The following CEP43 variants were observed in gnomAD, a reference collection of about 807,000 sequenced individuals.
CEP43 encodes the protein FGFR1 oncogene partner.
A neutral mutation model predicts 52.6 loss-of-function variants in CEP43; 36 were observed. That is an observed-to-expected ratio of 0.68 (90% CI 0.52 to 0.90). The LOEUF (loss-of-function observed/expected upper bound fraction) is 0.90, where lower values mean the gene tolerates loss of function less well. CEP43 is among the 40% of genes least tolerant of loss of function. The pLI is 0.00. For synonymous variants in CEP43, 192 were observed against 172.4 expected, an observed-to-expected ratio of 1.11 and a Z score of -0.89; for missense variants, 506 against 472.8, an observed-to-expected ratio of 1.07 and a Z score of -0.65.
chr6:167,033,849 ATT>A, intron 11 of CEP43, 24 bp from the exon 12 acceptor site: 10 of 1,147,162 alleles, frequency 8.7e-6, no homozygotes, highest in South Asian at 1.4e-5. Context: ...CAGAGTTCTT[ATT>A]TTTTTTTCCC....
At position 167,010,859 on chromosome 6, in the gene CEP43, A is replaced by G. The variant is rs146921558; in HGVS notation, c.485A>G (p.Glu162Gly). 7 of 1,600,736 alleles carry G rather than the reference A, an allele frequency of 4.4e-6. No homozygotes were observed. The African/African-American group carries it at 8.1e-5, about 18-fold the overall frequency. Residue 162 changes from glutamate (E) to glycine (G), a missense_variant, in exon 6 of 13, where the codon GAG becomes GGG. By Grantham distance (98) the Glu-to-Gly change is moderately conservative (BLOSUM62 -2). Transcript: ENST00000366847. Reference protein sequence around the residue: ...SDVHSPPKSPEGKTSAQTTPS... With the variant: ...SDVHSPPKSPGGKTSAQTTPS... ...GTACATTCTCCACCAAAGTCACCAG[A>G]GGGAAAAACAAGTGCACAGACAACA...
chr6:167,028,979 G>C (rs1780410578), intron 10 of CEP43, among the ~76,000 whole-genome samples: 1 of 152,226 alleles, frequency 6.6e-6, no homozygotes, highest in South Asian at 2.1e-4. Flanking sequence ...TTTAAAGCAA[G>C]AGTTGCTAAG....
intron 10 of CEP43, 150 bp downstream of exon 10, chr6:167,026,765 G>A (rs763911772): frequency 4.2e-4 from 261 of 619,600 alleles, no homozygotes; most frequent in Non-Finnish European, 6.1e-4. Flanking sequence ...ATGTGTTCAG[G>A]ATTACACGCT....
chr6:167,022,297 A>ACAC (rs1780254504), intron 7 of CEP43, 112 bp from the exon 8 acceptor site: 9 of 600,854 alleles, frequency 1.5e-5, no homozygotes, highest in Non-Finnish European at 2.2e-5. Context: ...CACACACACA[A>ACAC]AGGTTGCACA....
At position 167,040,975 on chromosome 6, in the gene CEP43, C is replaced by T. The variant is rs1023890539; in HGVS notation, c.*997C>T. The T allele has an allele frequency of 2.7e-5, 28 of 1,025,294 alleles. No individual in the cohort carries two copies. Among genetic ancestry groups the T allele is most frequent in the Non-Finnish European group, 3.0e-5 (26 of 853,178 alleles). The allele number at this position is 1,025,294 out of a possible 1,614,324, so 63.5% of individuals were successfully genotyped here. On this transcript the variant is annotated 3_prime_UTR_variant, in exon 13 of 13. Transcript: ENST00000366847. ...AAAGCATTATTGCTATTATGTAGGTCACGGATGTTTATAATACTAAAGTAT... is the reference window on the plus strand; with the variant it reads ...AAAGCATTATTGCTATTATGTAGGTTACGGATGTTTATAATACTAAAGTAT...
chr6:167,036,431 G>T (rs1370881881), intron 12 of CEP43: 1 of 985,320 alleles, frequency 1.0e-6, no homozygotes, highest in East Asian at 1.1e-4. Context: ...AGGCCCTGGG[G>T]AGGGTAGTCT....
intron 7 of CEP43, among the ~76,000 whole-genome samples, chr6:167,019,680 T>C (rs1424849865): frequency 5.3e-5 from 8 of 152,220 alleles, no homozygotes; most frequent in Non-Finnish European, 1.2e-4. Context: ...TGTTGTGTAA[T>C]ATAGTAATGC....
At chr6:167,033,640 GACCAA>G (rs1410492207) in intron 11 of CEP43, among the ~76,000 whole-genome samples, 1 of 152,008 alleles carries the variant, frequency 6.6e-6, no homozygotes, top group African/African-American at 2.4e-5. Context: ...TTGCTATTGT[GACCAA>G]AGTCACTGCT....
chr6:167,033,299 C>T (rs993005796), intron 11 of CEP43, among the ~76,000 whole-genome samples: 3 of 151,700 alleles, frequency 2.0e-5, no homozygotes, highest in African/African-American at 4.8e-5. Context: ...TTGGTAGAGA[C>T]AGGGTTTTGT....
Position 167,003,180 on chromosome 6 carries a change from T to G in CEP43, c.157-13T>G. The G allele has an allele frequency of 7.6e-7, 1 of 1,319,492 alleles. No individual in the cohort carries two copies. Among genetic ancestry groups the G allele is most frequent in the East Asian group, 2.5e-5 (1 of 40,542 alleles). The allele number at this position is 1,319,492 out of a possible 1,614,324, so 81.7% of individuals were successfully genotyped here. A position where few individuals can be genotyped will look rare whatever the true frequency, so the allele number is the denominator to read the frequency against. The stretch of plus-strand genomic sequence containing the variant: ...GTAAACACATGACACTTAAATTTTT[T>G]TTTTTTTAACAGAACAAAACTCCTT... On this transcript the variant is annotated splice_polypyrimidine_tract_variant and intron_variant, in intron 2 of 12. Transcript: ENST00000366847.
chr6:167,003,327 C>T, intron 3 of CEP43, 80 bp downstream of exon 3: 2 of 764,772 alleles, frequency 2.6e-6, no homozygotes, highest in Non-Finnish European at 4.2e-6. Context: ...TCAGGAATTT[C>T]AGGGCTTTTT....
chr6:167,010,284 C>A (rs770978607), intron 5 of CEP43, among the ~76,000 whole-genome samples: 19 of 152,108 alleles, frequency 1.2e-4, no homozygotes, highest in Non-Finnish European at 2.1e-4. Context: ...ACAGATGACT[C>A]CTGTGGAAGT....
chr6:167,047,285 G>A lies in CEP43; in HGVS notation c.*7307G>A, dbSNP rs190992303. 4 of 152,356 alleles carry A rather than the reference G, an allele frequency of 2.6e-5. No homozygotes were observed. The highest frequency in any genetic ancestry group is 7.2e-5 in the African/African-American group (3 of 41,556). 9.4% of individuals were successfully genotyped at this position (152,356 alleles called of 1,614,324 possible). A position where few individuals can be genotyped will look rare whatever the true frequency, so the allele number is the denominator to read the frequency against. On this transcript the variant is annotated 3_prime_UTR_variant, in exon 13 of 13. Coordinates refer to ENST00000366847, the MANE Select transcript of CEP43 (RefSeq NM_007045.4). ...CCCCTACTGACAGGGAGGTGCTGTC[G>A]GGGCAGCAGGCACGTGCAGGAAAAC... is the stretch of plus-strand genomic sequence containing the variant.
At chr6:167,020,537 A>G (rs543480478) in intron 7 of CEP43, among the ~76,000 whole-genome samples, 13 of 152,340 alleles carry the variant, frequency 8.5e-5, no homozygotes, top group Non-Finnish European at 1.6e-4. Context: ...CTTCCTAGAT[A>G]TAATTTGATC....
Position 167,013,560 on chromosome 6 carries a change from G to A in CEP43, c.572G>A (p.Gly191Asp), listed in dbSNP as rs771013333. The part of the protein sequence containing the change: ...GKKKTSGQKA[G>D]DKKANDEANQ... ...AAGAAGACAAGCGGGCAGAAGGCTG[G>A]TGACAAGGTAACATGCATGAGGGCA... The change falls in exon 7 of 13, where the codon GGT becomes GAT. Residue 191 changes from glycine to aspartate, a missense_variant. Coordinates refer to ENST00000366847, the MANE Select transcript of CEP43 (RefSeq NM_007045.4). The A allele has an allele frequency of 6.2e-7, 1 of 1,613,792 alleles. No individual in the cohort carries two copies. Among genetic ancestry groups the A allele is most frequent in the South Asian group, 1.1e-5 (1 of 91,066 alleles).
At chr6:167,004,446 T>C (rs367732297) in intron 5 of CEP43, 45 bp downstream of exon 5, 497 of 1,538,538 alleles carry the variant, frequency 3.2e-4, no homozygotes, top group Non-Finnish European at 4.3e-4. Flanking sequence ...AATTATTGGC[T>C]GCTTAGTTTA....
intron 7 of CEP43, among the ~76,000 whole-genome samples, chr6:167,019,931 T>G (rs1382209152): frequency 6.6e-6 from 1 of 152,246 alleles, no homozygotes; most frequent in East Asian, 1.9e-4. Flanking sequence ...CAGTTATTCT[T>G]TGGCACTTTC....
chr6:167,017,577 A>G, intron 7 of CEP43, among the ~76,000 whole-genome samples: 1 of 151,186 alleles, frequency 6.6e-6, no homozygotes, highest in East Asian at 2.0e-4. Flanking sequence ...AACAGTTTGG[A>G]AAAAAATTCT....
chr6:167,040,830 T>G lies in CEP43; in HGVS notation c.*852T>G. 1 of 1,022,460 alleles carries G rather than the reference T, an allele frequency of 9.8e-7. No homozygotes were observed. Among genetic ancestry groups the G allele is most frequent in the African/African-American group, 1.7e-5 (1 of 58,914 alleles). The allele number at this position is 1,022,460 out of a possible 1,614,324, so 63.3% of individuals were successfully genotyped here. A position where few individuals can be genotyped will look rare whatever the true frequency, so the allele number is the denominator to read the frequency against. On this transcript the variant is annotated 3_prime_UTR_variant, in exon 13 of 13. Transcript: ENST00000366847. ...TATTAAAATCCAAATTGGAATGAAA[T>G]AGTAGTAATGGCCTAAGACCATGTT...
Sources: allele counts gnomAD v4.1 joint callset (sites outside exome capture counted in the v4.1 genomes callset), GRCh38; gene constraint gnomAD v4.1.1; transcripts MANE v1.5; gene names NCBI Gene and HGNC (gene_info 2026-07-23, HGNC 2026-07-21).